Variants in SEC24D observed in about 807,000 individuals in gnomAD.
SEC24D encodes the protein protein transport protein Sec24D.
SEC24D carries 69 observed loss-of-function variants against 116.9 expected under a neutral mutation model. That is an observed-to-expected ratio of 0.59 (90% CI 0.49 to 0.72). The LOEUF is 0.72. SEC24D is among the 30% of genes least tolerant of loss of function. The pLI, the probability that SEC24D is intolerant of heterozygous loss-of-function variation, is 0.00. For missense variants in SEC24D, 1,131 were observed against 1,264.1 expected (o/e 0.89, Z 1.60); for synonymous variants, 405 against 442.8 (o/e 0.91, Z 1.07).
intron 8 of SEC24D, among the ~76,000 whole-genome samples, chr4:118,781,518 A>T (rs1462992805): frequency 2.0e-5 from 3 of 152,018 alleles, no homozygotes; most frequent in African/African-American, 7.3e-5. Context: ...GCTGCCCTTA[A>T]CATTTTTTCC....
intron 2 of SEC24D, 57 bp from the exon 3 acceptor site, chr4:118,824,806 A>G: frequency 1.4e-6 from 2 of 1,464,972 alleles, no homozygotes; most frequent in Non-Finnish European, 1.8e-6. Flanking sequence ...GAGATGAGGC[A>G]AAGTCATTAG....
In SEC24D at chr4:118,744,169, GA is replaced by G; in HGVS notation, c.1825-12del. 6.6e-7 allele frequency: 1 copy of G among 1,508,342 alleles called. No homozygotes were observed. Among genetic ancestry groups the G allele is most frequent in the Non-Finnish European group, 8.9e-7 (1 of 1,124,738 alleles). 93.4% of individuals were successfully genotyped at this position (1,508,342 alleles called of 1,614,324 possible). On this transcript the variant is annotated splice_polypyrimidine_tract_variant and intron_variant, in intron 14 of 22. Transcript: ENST00000280551. ...GGGCTGGAAAAGTATCTGGAAAAAA[GA>G]TGCAAAAAAAAAGAAAAAATAAAAA...
chr4:118,754,250 C>T (rs1726971233), intron 11 of SEC24D: 1 of 152,154 alleles, frequency 6.6e-6, no homozygotes, highest in Non-Finnish European at 1.5e-5. Flanking sequence ...TCTAACTACA[C>T]ATACAACAGA....
Position 118,772,286 on chromosome 4 carries a change from T to C in SEC24D, c.1042-3975A>G, listed in dbSNP as rs534309160. On this transcript the variant is annotated intron_variant, in intron 8 of 22. Coordinates refer to ENST00000280551, the MANE Select transcript of SEC24D (RefSeq NM_014822.4). ...ATAGGTGGCACTATGCAACTAAAAA[T>C]TAAGGCTGTATATACCTTACCAGCA... Among the ~76,000 whole-genome samples the C allele has an allele frequency of 2.0e-5, 3 of 152,286 alleles. No homozygotes were observed. In the South Asian group the frequency reaches 6.2e-4, roughly 32 times the overall value.
chr4:118,731,091 G>C, intron 21 of SEC24D: 1 of 514,902 alleles, frequency 1.9e-6, no homozygotes, highest in Non-Finnish European at 3.5e-6. Flanking sequence ...GGAAGTGTTA[G>C]CATTTTCTAT....
intron 8 of SEC24D, among the ~76,000 whole-genome samples, chr4:118,789,635 A>AGCGC (rs1260378777): frequency 1.3e-5 from 2 of 152,196 alleles, no homozygotes; most frequent in Non-Finnish European, 2.9e-5. Context: ...CTTAAGCTAG[A>AGCGC]GCGCAGTGGC....
rs142075154 is a variant in SEC24D at position 118,743,847 on chromosome 4, G to A, written c.1995+141C>T. On this transcript the variant is annotated intron_variant, in intron 15 of 22. Transcript: ENST00000280551. The stretch of plus-strand genomic sequence containing the variant: ...AACTCTCCTTATAAAAAGGACCAAC[G>A]GTATACTTTGTTTTCCATCTGCTCT... 1.5e-3 allele frequency: 1,063 copies of A among 719,542 alleles called. 9 individuals carry two copies. In the African/African-American group the frequency reaches 0.015, roughly 10 times the overall value. 44.6% of individuals were successfully genotyped at this position (719,542 alleles called of 1,614,324 possible).
At chr4:118,752,592 AC>A in intron 12 of SEC24D, 104 bp downstream of exon 12, 2 of 741,522 alleles carry the variant, frequency 2.7e-6, no homozygotes. Context: ...GTGTCTTGAA[AC>A]CCCCTTGCTA....
intron 13 of SEC24D, among the ~76,000 whole-genome samples, chr4:118,745,913 C>T (rs1358815225): frequency 7.2e-5 from 11 of 152,014 alleles, no homozygotes; most frequent in African/African-American, 2.7e-4. Context: ...CAGTAGCTCA[C>T]GCCTGTAATC....
At position 118,810,134 on chromosome 4, in the gene SEC24D, GTGT is replaced by G. The variant is rs1560737329; in HGVS notation, c.802-4183_802-4181del. On this transcript the variant is annotated intron_variant, in intron 6 of 22. Coordinates refer to ENST00000280551, the MANE Select transcript of SEC24D (RefSeq NM_014822.4). Reference sequence around the variant, plus strand: ...TGTGTGTGTGTGTGTGTGTGTGTGTGTGTCAGAGGGTATAGGGGAGCCAGGGGT... The same window carrying G: ...TGTGTGTGTGTGTGTGTGTGTGTGTGCAGAGGGTATAGGGGAGCCAGGGGT... 5.7e-3 allele frequency among the ~76,000 whole-genome samples: 692 copies of G among 122,262 alleles called. 21 individuals are homozygous for G. The highest frequency in any genetic ancestry group is 0.021 in the Admixed American group (219 of 10,192). 80.2% of individuals were successfully genotyped at this position (122,262 alleles called of 152,430 possible).
intron 21 of SEC24D, chr4:118,730,217 AG>A (rs1725614051): frequency 6.6e-6 from 1 of 152,232 alleles, no homozygotes; most frequent in African/African-American, 2.4e-5. Flanking sequence ...TCAGACTCAT[AG>A]TTCTTTGCCT....
intron 9 of SEC24D, among the ~76,000 whole-genome samples, chr4:118,765,298 G>A (rs919123256): frequency 1.2e-4 from 19 of 152,112 alleles, no homozygotes; most frequent in Non-Finnish European, 2.6e-4. Flanking sequence ...ATAAACATTC[G>A]TTATTTGAAC....
chr4:118,739,030 ATTAG>A (rs1406277928), intron 18 of SEC24D, 115 bp downstream of exon 18: 4 of 889,900 alleles, frequency 4.5e-6, no homozygotes, highest in East Asian at 2.5e-5. Context: ...CTTTGCTTTT[ATTAG>A]TTCTGAATTT....
chr4:118,773,960 TA>T (rs1728024474), intron 8 of SEC24D, among the ~76,000 whole-genome samples: 1 of 152,088 alleles, frequency 6.6e-6, no homozygotes, highest in South Asian at 2.1e-4. Flanking sequence ...TTTTCTGAAT[TA>T]AAAAATAAAA....
chr4:118,816,929 A>C (rs1218035999), intron 4 of SEC24D: 10 of 338,810 alleles, frequency 3.0e-5, no homozygotes, highest in Non-Finnish European at 5.1e-5. Context: ...AAACAATACA[A>C]GGTTTAAATT....
At chr4:118,789,805 T>C (rs1044411503) in intron 8 of SEC24D, among the ~76,000 whole-genome samples, 3 of 152,098 alleles carry the variant, frequency 2.0e-5, no homozygotes, top group Non-Finnish European at 4.4e-5. Flanking sequence ...AGGATGGTCT[T>C]GATCTCCTGA....
At chr4:118,769,420 AAAG>A (rs1727795854) in intron 8 of SEC24D, among the ~76,000 whole-genome samples, 1 of 152,236 alleles carries the variant, frequency 6.6e-6, no homozygotes, top group African/African-American at 2.4e-5. Flanking sequence ...CATTTAAAGA[AAAG>A]CTTGAGAATT....
intron 15 of SEC24D, among the ~76,000 whole-genome samples, chr4:118,742,276 G>C (rs1346316243): frequency 6.6e-6 from 1 of 151,932 alleles, no homozygotes; most frequent in African/African-American, 2.4e-5. Flanking sequence ...CTACCATGTA[G>C]ATGATCACAC....
At chr4:118,765,054 C>A in intron 9 of SEC24D, 137 bp from the exon 10 acceptor site, 3 of 564,662 alleles carry the variant, frequency 5.3e-6, no homozygotes, top group South Asian at 2.4e-5. Flanking sequence ...TGTAGTATAC[C>A]GTAAATACCT....
Sources: gnomAD v4.1 joint callset for allele counts (sites outside exome capture counted in the v4.1 genomes callset) on GRCh38, gnomAD v4.1.1 for gene constraint, MANE v1.5 for transcripts, NCBI Gene and HGNC (gene_info 2026-07-23, HGNC 2026-07-21) for gene names.